Variants in LIPA observed in about 807,000 individuals in gnomAD.
LIPA encodes the protein lysosomal acid lipase/cholesteryl ester hydrolase.
In LIPA, 26 loss-of-function variants were observed where a neutral mutation model predicts 40.6. That is an observed-to-expected ratio of 0.64 (90% CI 0.47 to 0.89). The LOEUF (loss-of-function observed/expected upper bound fraction) is 0.89. Among genes scored for constraint, LIPA ranks in the 40% least tolerant of loss-of-function variants. The pLI is 0.00. For missense variants in LIPA, 455 were observed against 479.6 expected, an observed-to-expected ratio of 0.95 and a Z score of 0.48; for synonymous variants, 188 against 168.4, an observed-to-expected ratio of 1.12 and a Z score of -0.90.
At chr10:89,224,943 G>A in intron 6 of LIPA, 149 bp downstream of exon 6, 1 of 1,019,444 alleles carries the variant, frequency 9.8e-7, no homozygotes, top group Non-Finnish European at 1.5e-6. Flanking sequence ...GGTCTGGAAG[G>A]AGGGGTAAAC....
At chr10:89,353,886 A>C (rs542112694) in intron 2 of LIPA, among the ~76,000 whole-genome samples, 5 of 152,174 alleles carry the variant, frequency 3.3e-5, no homozygotes, top group African/African-American at 1.2e-4. Flanking sequence ...GCTTGCAGTG[A>C]GCCGAGATCA....
intron 1 of LIPA, among the ~76,000 whole-genome samples, chr10:89,304,319 T>A (rs905413834): frequency 2.0e-5 from 3 of 152,154 alleles, no homozygotes; most frequent in African/African-American, 7.2e-5. Context: ...TAATGGCAGA[T>A]GCATTCCCGT....
chr10:89,235,723 G>C (rs1260196657), intron 3 of LIPA, among the ~76,000 whole-genome samples: 1 of 152,200 alleles, frequency 6.6e-6, no homozygotes, highest in Non-Finnish European at 1.5e-5. Context: ...CCAAAACAGA[G>C]AACAAGGAGG....
intron 2 of LIPA, among the ~76,000 whole-genome samples, chr10:89,379,952 G>A (rs553516101): frequency 2.0e-5 from 3 of 151,848 alleles, no homozygotes; most frequent in South Asian, 4.2e-4. Context: ...GGAGAATGGC[G>A]TGAACCTGGG....
At chr10:89,232,516 T>G (rs571904541) in intron 3 of LIPA, among the ~76,000 whole-genome samples, 1 of 152,204 alleles carries the variant, frequency 6.6e-6, no homozygotes, top group African/African-American at 2.4e-5. Flanking sequence ...GCCTCTGTAG[T>G]TAACACGGAA....
At chr10:89,338,998 A>T in intron 1 of LIPA, 2 of 1,614,222 alleles carry the variant, frequency 1.2e-6, no homozygotes, top group East Asian at 4.5e-5. Context: ...AGATGCTCAG[A>T]TTTATGTAGA....
chr10:89,336,885 T>G (rs1843750213), intron 1 of LIPA, among the ~76,000 whole-genome samples: 1 of 151,870 alleles, frequency 6.6e-6, no homozygotes, highest in Admixed American at 6.6e-5. Flanking sequence ...AACTCAAGAG[T>G]GAGGGACATA....
intron 2 of LIPA, among the ~76,000 whole-genome samples, chr10:89,389,408 T>A (rs1844229911): frequency 6.6e-6 from 1 of 152,180 alleles, no homozygotes; most frequent in African/African-American, 2.4e-5. Flanking sequence ...CAGTACAAAC[T>A]GATGGAAAGG....
At chr10:89,233,571 G>A (rs994912789) in intron 3 of LIPA, among the ~76,000 whole-genome samples, 1 of 152,194 alleles carries the variant, frequency 6.6e-6, no homozygotes, top group African/African-American at 2.4e-5. Flanking sequence ...CTGCTATTAG[G>A]TTGTTGCAAA....
chr10:89,394,577 A>AATATATATATATAT (rs200060906), intron 2 of LIPA, among the ~76,000 whole-genome samples: 3 of 108,744 alleles, frequency 2.8e-5, no homozygotes, highest in Non-Finnish European at 5.4e-5. Flanking sequence ...ACTACAGGAA[A>AATATATATATATAT]ATATATATAT....
chr10:89,219,470 T>C (rs1335285557), intron 8 of LIPA, among the ~76,000 whole-genome samples: 2 of 152,214 alleles, frequency 1.3e-5, no homozygotes, highest in Non-Finnish European at 2.9e-5. Flanking sequence ...AATGGAAAGA[T>C]GAGTATGCTA....
At chr10:89,237,707 T>C (rs1576817) in intron 3 of LIPA, among the ~76,000 whole-genome samples, 57,520 of 152,094 alleles carry the variant, frequency 0.38, 11,377 homozygotes, top group Non-Finnish European at 0.45. Context: ...TTTTTCCAGA[T>C]TGGTTCCATT....
At chr10:89,287,844 C>T (rs374864219) in intron 1 of LIPA, among the ~76,000 whole-genome samples, 3 of 152,204 alleles carry the variant, frequency 2.0e-5, no homozygotes, top group African/African-American at 7.2e-5. Flanking sequence ...CGCACCTTAT[C>T]AACCAAATTG....
intron 2 of LIPA, among the ~76,000 whole-genome samples, chr10:89,352,103 G>A (rs2133587025): frequency 6.6e-6 from 1 of 152,234 alleles, no homozygotes; most frequent in East Asian, 1.9e-4. Flanking sequence ...GCAGAAACCA[G>A]CTCTGGAAAA....
intron 2 of LIPA, among the ~76,000 whole-genome samples, chr10:89,348,264 A>G (rs546167200): frequency 4.5e-4 from 68 of 152,356 alleles, no homozygotes; most frequent in African/African-American, 1.6e-3. Flanking sequence ...AAGATTGTTA[A>G]TGACTTCCTC....
intron 2 of LIPA, among the ~76,000 whole-genome samples, chr10:89,390,626 G>A (rs185406249): frequency 2.8e-4 from 42 of 152,086 alleles, no homozygotes; most frequent in East Asian, 1.4e-3. Context: ...ACACACACGC[G>A]CGCGATTGGC....
chr10:89,346,580 A>T (rs777704055), upstream of LIPA, among the ~76,000 whole-genome samples: 1 of 152,286 alleles, frequency 6.6e-6, no homozygotes, highest in East Asian at 1.9e-4. Flanking sequence ...ACTTCCCTTG[A>T]TTTCCTGCCA....
chr10:89,228,267 T>C lies in LIPA; in HGVS notation c.361A>G (p.Arg121Gly), dbSNP rs912441212. The C allele has an allele frequency of 6.2e-7, 1 of 1,614,228 alleles. No homozygotes were observed. The highest frequency in any genetic ancestry group is 8.5e-7 in the Non-Finnish European group (1 of 1,180,028). The change falls in exon 4 of 10, where the codon AGA becomes GGA. Residue 121 changes from arginine (R) to glycine (G), a missense_variant. Transcript: ENST00000336233. The stretch of plus-strand genomic sequence containing the variant: ...TGTTTCCGAGACCAGGTATTTCCTC[T>C]GCTGTTGCCCATCCACACGTCAAAA... ...AGFDVWMGNS[R>G]GNTWSRKHKT... is the part of the protein sequence containing the mutation.
At position 89,225,236 on chromosome 10, in the gene LIPA, A is replaced by G. The variant is rs761271127; in HGVS notation, c.539-8T>C. Reference sequence around the variant, plus strand: ...GTGAAAATGCTATAAAACCTGTGAGAACAAAGGACAGAAAACAGGAATTCC... The same window carrying G: ...GTGAAAATGCTATAAAACCTGTGAGGACAAAGGACAGAAAACAGGAATTCC... On this transcript the variant is annotated splice_polypyrimidine_tract_variant and splice_region_variant and intron_variant, in intron 5 of 9. Transcript: ENST00000336233. 2 of 1,614,132 alleles carry G rather than the reference A, an allele frequency of 1.2e-6. No homozygotes were observed. The highest frequency in any genetic ancestry group is 1.7e-6 in the Non-Finnish European group (2 of 1,179,982).
Sources: gnomAD v4.1 joint callset for allele counts (sites outside exome capture counted in the v4.1 genomes callset) on GRCh38, gnomAD v4.1.1 for gene constraint, MANE v1.5 for transcripts, NCBI Gene and HGNC (gene_info 2026-07-23, HGNC 2026-07-21) for gene names.